The following TICRR variants were observed in gnomAD, a reference collection of about 807,000 sequenced individuals.
The protein encoded by TICRR is TOPBP1 interacting checkpoint and replication regulator.
A neutral mutation model predicts 178.1 loss-of-function variants in TICRR; 132 were observed. The observed-to-expected ratio is 0.74, with a 90% confidence interval of 0.64 to 0.86. TICRR has a LOEUF of 0.86. TICRR is among the 40% of genes least tolerant of loss of function. The probability of loss-of-function intolerance (pLI) is 0.00; values close to 1 mark genes in which losing one functional copy is unlikely to be tolerated. For missense variants in TICRR, 2,587 were observed against 2,334.3 expected, an observed-to-expected ratio of 1.11 and a Z score of -2.23; for synonymous variants, 991 against 900.7, an observed-to-expected ratio of 1.10 and a Z score of -1.79.
At chr15:89,588,484 G>A (rs779952274) in intron 4 of TICRR, among the ~76,000 whole-genome samples, 1 of 152,206 alleles carries the variant, frequency 6.6e-6, no homozygotes, top group Admixed American at 6.5e-5. Context: ...ACGAGGCAGG[G>A]TAAGGAGGGA....
In TICRR at chr15:89,624,416, C is replaced by T. The variant is rs138701520; in HGVS notation, c.4106C>T (p.Thr1369Ile). 7 of 1,614,236 alleles carry T rather than the reference C, an allele frequency of 4.3e-6. No homozygotes were observed. Among genetic ancestry groups the T allele is most frequent in the Admixed American group, 1.7e-5 (1 of 60,026 alleles). Residue 1369 changes from threonine (T) to isoleucine (I), a missense_variant, in exon 20 of 22, where the codon ACA becomes ATA. Thr to Ile is a moderately conservative substitution (Grantham distance 89). Transcript: ENST00000268138. Reference protein sequence around the residue: ...STPPELSQRATLDTVPPPPPS... With the variant: ...STPPELSQRAILDTVPPPPPS... Reference sequence around the variant, plus strand: ...CCCCCTGAACTCTCACAGAGAGCTACATTGGACACCGTCCCTCCTCCACCC... The same window carrying T: ...CCCCCTGAACTCTCACAGAGAGCTATATTGGACACCGTCCCTCCTCCACCC...
intron 21 of TICRR, 137 bp downstream of exon 21, chr15:89,626,198 A>G: frequency 1.1e-6 from 1 of 877,844 alleles, no homozygotes; most frequent in Non-Finnish European, 1.7e-6. Flanking sequence ...CTACAGCGTC[A>G]TGTGTGCCCT....
chr15:89,590,749 G>A (rs914569997), intron 4 of TICRR, among the ~76,000 whole-genome samples: 2 of 152,148 alleles, frequency 1.3e-5, no homozygotes, highest in Non-Finnish European at 2.9e-5. Context: ...TTCCTATACT[G>A]GGAGCTCCTT....
At chr15:89,616,587 G>C in intron 16 of TICRR, 92 bp downstream of exon 16, 1 of 949,702 alleles carries the variant, frequency 1.1e-6, no homozygotes, top group African/African-American at 1.6e-5. Flanking sequence ...TGACCTTCAT[G>C]ACTTAAATCT....
intron 1 of TICRR, among the ~76,000 whole-genome samples, chr15:89,576,694 G>T (rs1962620514): frequency 6.6e-6 from 1 of 151,638 alleles, no homozygotes; most frequent in Admixed American, 6.6e-5. Context: ...ATTTTGTGTG[G>T]CACTTAACCA....
intron 7 of TICRR, among the ~76,000 whole-genome samples, chr15:89,596,507 C>T (rs969172434): frequency 1.6e-4 from 25 of 152,132 alleles, no homozygotes; most frequent in South Asian, 1.0e-3. Context: ...CCACCACACC[C>T]GGCTAATTTT....
In TICRR at chr15:89,594,554, C is replaced by T. The variant is rs770110899; in HGVS notation, c.1681C>T (p.Arg561Ter). 11 of 1,581,122 alleles carry T rather than the reference C, an allele frequency of 7.0e-6. No individual in the cohort carries two copies. Among genetic ancestry groups the T allele is most frequent in the African/African-American group, 4.1e-5 (3 of 73,992 alleles). The change falls in exon 6 of 22, where the codon CGA becomes TGA. Residue 561 changes from arginine (R) to a stop codon, truncating the protein, a stop_gained and splice_region_variant. Coordinates refer to ENST00000268138, the MANE Select transcript of TICRR (RefSeq NM_152259.4). LOFTEE classifies it high-confidence loss of function. ...IAHQEDSKKKRGVPRTPVRQK... is the reference protein window; with the variant it reads ...IAHQEDSKKK ...TCATCAAGAAGACAGCAAAAAGAAACGTATGTACCTAGAAAGGCTGTTTCT... is the reference window on the plus strand; with the variant it reads ...TCATCAAGAAGACAGCAAAAAGAAATGTATGTACCTAGAAAGGCTGTTTCT...
chr15:89,604,537 G>GC (rs1427937985), intron 13 of TICRR, among the ~76,000 whole-genome samples: 9 of 152,178 alleles, frequency 5.9e-5, no homozygotes, highest in Admixed American at 5.9e-4. Context: ...ACTTTGGGAG[G>GC]CCAAGGCAGG....
chr15:89,618,619 C>A (rs1003138808), intron 17 of TICRR, among the ~76,000 whole-genome samples: 2 of 152,160 alleles, frequency 1.3e-5, no homozygotes, highest in Non-Finnish European at 2.9e-5. Context: ...TCCGTGCCCC[C>A]AACACACAGT....
In TICRR at chr15:89,624,574, G is replaced by A. The variant is rs1446939215; in HGVS notation, c.4264G>A (p.Asp1422Asn). Residue 1422 changes from aspartate to asparagine, a missense_variant, in exon 20 of 22, where the codon GAT becomes AAT. Coordinates refer to ENST00000268138, the MANE Select transcript of TICRR (RefSeq NM_152259.4). Reference sequence around the variant, plus strand: ...CCCAGCTGCCCCCACAGACTCTAGAGATGACCAGAAGGGACTGAGCCTCTC... The same window carrying A: ...CCCAGCTGCCCCCACAGACTCTAGAAATGACCAGAAGGGACTGAGCCTCTC... ...DSPAAPTDSR[D>N]DQKGLSLSPQ... 1.2e-6 allele frequency: 2 copies of A among 1,613,838 alleles called. No homozygotes were observed. The highest frequency in any genetic ancestry group is 2.7e-5 in the African/African-American group (2 of 74,928).
chr15:89,580,916 C>T (rs1346411052), intron 1 of TICRR, among the ~76,000 whole-genome samples: 1 of 152,180 alleles, frequency 6.6e-6, no homozygotes, highest in Non-Finnish European at 1.5e-5. Context: ...CCTGTACTCC[C>T]AGCTACTTAC....
intron 4 of TICRR, among the ~76,000 whole-genome samples, chr15:89,590,897 TTGTC>T (rs367672208): frequency 5.4e-4 from 82 of 152,330 alleles, no homozygotes; most frequent in African/African-American, 1.8e-3. Context: ...AACATTTCAT[TTGTC>T]TGGGGTCTTA....
Position 89,623,483 on chromosome 15 carries a change from G to C in TICRR, c.3313-140G>C, listed in dbSNP as rs930294131. 17 of 887,544 alleles carry C rather than the reference G, an allele frequency of 1.9e-5. No individual in the cohort carries two copies. In the African/African-American group the frequency reaches 2.9e-4, roughly 15 times the overall value. 55.0% of individuals were successfully genotyped at this position (887,544 alleles called of 1,614,324 possible). The stretch of plus-strand genomic sequence containing the variant: ...AGTCATGTTTTGGAGAGGGAAACGG[G>C]TCACTATTTGAGATTTCCATCTTTA... On this transcript the variant is annotated intron_variant, in intron 19 of 21. Transcript: ENST00000268138.
intron 1 of TICRR, 36 bp downstream of exon 1, chr15:89,576,276 C>T: frequency 1.3e-6 from 2 of 1,496,212 alleles, no homozygotes; most frequent in South Asian, 1.3e-5. Flanking sequence ...ATGGCGTGCA[C>T]GGTGCTTTCC....
intron 19 of TICRR, among the ~76,000 whole-genome samples, chr15:89,622,651 C>G (rs1963445532): frequency 6.6e-6 from 1 of 152,226 alleles, no homozygotes; most frequent in African/African-American, 2.4e-5. Context: ...GTCTCCTCCC[C>G]CAGGCAGGCA....
intron 15 of TICRR, among the ~76,000 whole-genome samples, chr15:89,610,848 T>C (rs1417357500): frequency 6.6e-6 from 1 of 152,174 alleles, no homozygotes; most frequent in East Asian, 1.9e-4. Context: ...GTTTTCTCAG[T>C]GGTTACCTTG....
In TICRR at chr15:89,619,834, A is replaced by T; in HGVS notation, c.3146A>T (p.Asp1049Val). 1 of 1,611,680 alleles carries T rather than the reference A, an allele frequency of 6.2e-7. No homozygotes were observed. The highest frequency in any genetic ancestry group is 2.2e-5 in the East Asian group (1 of 44,806). The change falls in exon 18 of 22, where the codon GAT (aspartate) becomes GTT (valine). Residue 1049 changes from aspartate to valine, a missense_variant. Physicochemically the swap from Asp to Val is radical, Grantham distance 152. Coordinates refer to ENST00000268138, the MANE Select transcript of TICRR (RefSeq NM_152259.4). ...SVQRVHSFQQ[D>V]KSDQRENSPV... ...CAAAGAGTCCACTCTTTCCAGCAAG[A>T]TAAGTCAGGTAACATACGGGCCCCT...
chr15:89,623,979 C>T lies in TICRR; in HGVS notation c.3669C>T (p.Pro1223=), dbSNP rs1247744268. 2 of 1,614,056 alleles carry T rather than the reference C, an allele frequency of 1.2e-6. No individual in the cohort carries two copies. The highest frequency in any genetic ancestry group is 1.7e-5 in the Admixed American group (1 of 60,024). ...PHSVNSSPES[P]SCPAPPTSST... ...CAGTGAATTCCAGTCCAGAAAGCCCCTCCTGTCCAGCCCCTCCAACTTCAT... is the reference window on the plus strand; with the variant it reads ...CAGTGAATTCCAGTCCAGAAAGCCCTTCCTGTCCAGCCCCTCCAACTTCAT... The change falls in exon 20 of 22, where the codon CCC becomes CCT. Residue 1223 remains proline, a synonymous_variant. Transcript: ENST00000268138.
At position 89,625,653 on chromosome 15, in the gene TICRR, A is replaced by G; in HGVS notation, c.5343A>G (p.Glu1781=). The change falls in exon 20 of 22, where the codon GAA becomes GAG. Residue 1781 remains glutamate, a synonymous_variant. Coordinates refer to ENST00000268138, the MANE Select transcript of TICRR (RefSeq NM_152259.4). The part of the protein sequence containing the change: ...SSRKRVLLAK[E]EADRGAKRIC... The stretch of plus-strand genomic sequence containing the variant: ...GGAAGAGAGTCCTGTTGGCCAAGGA[A>G]GAAGCTGACCGTGGAGCCAAAAGGA... 1.2e-6 allele frequency: 2 copies of G among 1,613,736 alleles called. No individual in the cohort carries two copies. The highest frequency in any genetic ancestry group is 2.2e-5 in the South Asian group (2 of 91,076).
Sources: allele counts gnomAD v4.1 joint callset (sites outside exome capture counted in the v4.1 genomes callset), GRCh38; gene constraint gnomAD v4.1.1; transcripts MANE v1.5; gene names NCBI Gene and HGNC (gene_info 2026-07-23, HGNC 2026-07-21).